GPC5: variants seen among roughly 807,000 people sequenced by gnomAD.
GPC5 encodes the protein glypican-5.
A neutral mutation model predicts 53.9 loss-of-function variants in GPC5; 47 were observed. The observed-to-expected ratio is 0.87, with a 90% confidence interval of 0.69 to 1.11. The LOEUF (loss-of-function observed/expected upper bound fraction) is 1.11. GPC5 is among the 50% of genes most tolerant of loss of function. The probability of loss-of-function intolerance (pLI) is 0.00; values close to 1 mark genes in which losing one functional copy is unlikely to be tolerated. For synonymous variants in GPC5, 286 were observed against 263.3 expected, an observed-to-expected ratio of 1.09 and a Z score of -0.84; for missense variants, 748 against 713.1, an observed-to-expected ratio of 1.05 and a Z score of -0.56.
rs1025623000 is a variant in GPC5, at chr13:92,761,112, A to G, written c.1562-105170A>G. On this transcript the variant is annotated intron_variant, in intron 7 of 7. Transcript: ENST00000377067. ...TTATGTGCACTAAAGAAGAATGTGTATCTTGCTGGAAAGTTCTATATATAT... is the reference window on the plus strand; with the variant it reads ...TTATGTGCACTAAAGAAGAATGTGTGTCTTGCTGGAAAGTTCTATATATAT... 2.6e-5 allele frequency among the ~76,000 whole-genome samples: 4 copies of G among 152,174 alleles called. No homozygotes were observed. In the East Asian group the frequency reaches 5.8e-4, roughly 22 times the overall value.
chr13:91,917,235 G>A (rs1367417918), intron 6 of GPC5, among the ~76,000 whole-genome samples: 3 of 152,194 alleles, frequency 2.0e-5, no homozygotes, highest in Non-Finnish European at 4.4e-5. Context: ...CAGGTCCCAT[G>A]CAAGTCTGAA....
intron 6 of GPC5, among the ~76,000 whole-genome samples, chr13:92,116,805 T>C (rs934532243): frequency 6.6e-6 from 1 of 152,258 alleles, no homozygotes; most frequent in Non-Finnish European, 1.5e-5. Context: ...TGACTAATTA[T>C]GCTAAGCATC....
At chr13:92,856,282 G>A (rs894836446) in intron 7 of GPC5, among the ~76,000 whole-genome samples, 1 of 151,926 alleles carries the variant, frequency 6.6e-6, no homozygotes, top group African/African-American at 2.4e-5. Flanking sequence ...ACACAGAAAA[G>A]GCCTTTGATA....
intron 7 of GPC5, among the ~76,000 whole-genome samples, chr13:92,460,549 G>T (rs572510604): frequency 3.9e-4 from 60 of 152,220 alleles, no homozygotes; most frequent in African/African-American, 1.4e-3. Context: ...GGATATTGAA[G>T]AAATTTGAGT....
chr13:91,889,655 G>A (rs552422234), intron 5 of GPC5, among the ~76,000 whole-genome samples: 32 of 151,958 alleles, frequency 2.1e-4, no homozygotes, highest in African/African-American at 3.1e-4. Flanking sequence ...ATAAATCATC[G>A]CTATAAATAA....
At chr13:92,623,182 A>G (rs547132467) in intron 7 of GPC5, among the ~76,000 whole-genome samples, 42 of 152,110 alleles carry the variant, frequency 2.8e-4, no homozygotes, top group Non-Finnish European at 3.1e-4. Flanking sequence ...AAAAAAGAAA[A>G]GTGAAAAGTT....
chr13:91,846,585 G>C (rs901543426), intron 5 of GPC5, among the ~76,000 whole-genome samples: 11 of 151,866 alleles, frequency 7.2e-5, no homozygotes, highest in African/African-American at 2.7e-4. Flanking sequence ...GTACTAGTAT[G>C]ACTAGGCTTG....
At chr13:91,758,326 T>A (rs1003254151) in intron 5 of GPC5, among the ~76,000 whole-genome samples, 1 of 152,064 alleles carries the variant, frequency 6.6e-6, no homozygotes, top group African/African-American at 2.4e-5. Context: ...GAACTTTTTG[T>A]ATATTTTTAC....
rs550754406 is a variant in GPC5, at chr13:92,386,411, G to A, written c.1561+241422G>A. Among the ~76,000 whole-genome samples, 78 of 152,088 alleles carry A rather than the reference G, an allele frequency of 5.1e-4. 1 individual carries two copies. Among genetic ancestry groups the A allele is most frequent in the Admixed American group, 9.8e-4 (15 of 15,250 alleles). ...AATGTACTTTGAATGACACTTAGAT[G>A]TGAATCAAACCATGAGGTCTAACTA... On this transcript the variant is annotated intron_variant, in intron 7 of 7. Transcript: ENST00000377067.
chr13:92,031,147 T>C (rs954996531), intron 6 of GPC5, among the ~76,000 whole-genome samples: 1 of 152,152 alleles, frequency 6.6e-6, no homozygotes, highest in African/African-American at 2.4e-5. Flanking sequence ...CCCATCCCCA[T>C]TCAGGTTCAT....
chr13:92,519,097 A>T lies in GPC5; in HGVS notation c.1562-347185A>T, dbSNP rs1158632169. 4.6e-5 allele frequency among the ~76,000 whole-genome samples: 7 copies of T among 152,236 alleles called. No individual in the cohort carries two copies. In the South Asian group the frequency reaches 1.4e-3, roughly 32 times the overall value. On this transcript the variant is annotated intron_variant, in intron 7 of 7. Coordinates refer to ENST00000377067, the MANE Select transcript of GPC5 (RefSeq NM_004466.6). ...GACCTAACTATCTTAATATATATGC[A>T]CCCAATGCAGGAGCACCCAGATTCA...
intron 7 of GPC5, among the ~76,000 whole-genome samples, chr13:92,194,196 A>G (rs575709466): frequency 2.6e-4 from 39 of 152,322 alleles, no homozygotes; most frequent in African/African-American, 9.4e-4. Context: ...TACAACTAAA[A>G]CAAAACACAA....
chr13:92,178,066 C>T (rs2042121000), intron 7 of GPC5, among the ~76,000 whole-genome samples: 1 of 152,142 alleles, frequency 6.6e-6, no homozygotes, highest in Admixed American at 6.5e-5. Context: ...AAGCTCTTAA[C>T]CTAATTATAT....
At chr13:92,398,015 G>A (rs1162674088) in intron 7 of GPC5, among the ~76,000 whole-genome samples, 1 of 152,110 alleles carries the variant, frequency 6.6e-6, no homozygotes, top group Non-Finnish European at 1.5e-5. Flanking sequence ...TGAGTGCAGG[G>A]GGATAGGAAA....
At chr13:91,978,383 T>C (rs2040326577) in intron 6 of GPC5, among the ~76,000 whole-genome samples, 1 of 152,222 alleles carries the variant, frequency 6.6e-6, no homozygotes, top group South Asian at 2.1e-4. Context: ...GGCTCCACTT[T>C]CATTGCACAG....
At chr13:92,373,065 C>A (rs539376536) in intron 7 of GPC5, among the ~76,000 whole-genome samples, 3 of 152,234 alleles carry the variant, frequency 2.0e-5, no homozygotes, top group East Asian at 3.9e-4. Context: ...AAATCTAGGG[C>A]AGCTGTTTAA....
intron 7 of GPC5, among the ~76,000 whole-genome samples, chr13:92,309,762 A>C (rs2043133618): frequency 6.6e-6 from 1 of 152,088 alleles, no homozygotes; most frequent in African/African-American, 2.4e-5. Context: ...AGCACTTAAA[A>C]TCTATTATCT....
chr13:91,631,603 T>A (rs1054102579), intron 2 of GPC5, among the ~76,000 whole-genome samples: 2 of 151,994 alleles, frequency 1.3e-5, no homozygotes, highest in Non-Finnish European at 2.9e-5. Flanking sequence ...CTGCAACTCT[T>A]TTAAAACTGT....
intron 2 of GPC5, among the ~76,000 whole-genome samples, chr13:91,478,881 T>TTTTATATATATATATATA (rs562726720): frequency 1.5e-5 from 1 of 67,500 alleles, no homozygotes; most frequent in Non-Finnish European, 2.5e-5. Context: ...TATATACACA[T>TTTTATATATATATATATA]TATATATATA....
Sources: gnomAD v4.1 joint callset for allele counts (sites outside exome capture counted in the v4.1 genomes callset) on GRCh38, gnomAD v4.1.1 for gene constraint, MANE v1.5 for transcripts, NCBI Gene and HGNC (gene_info 2026-07-23, HGNC 2026-07-21) for gene names.